DCC: variants seen among roughly 807,000 people sequenced by gnomAD.
DCC encodes netrin receptor DCC.
Under a neutral mutation model 172.5 loss-of-function variants are expected in DCC, and 58 were observed. The observed-to-expected ratio is 0.34, with a 90% confidence interval of 0.27 to 0.42. The LOEUF (loss-of-function observed/expected upper bound fraction) is 0.42. Among genes scored for constraint, DCC ranks in the 10% least tolerant of loss-of-function variants. DCC has a pLI of 1.00. For missense variants in DCC, 1,740 were observed against 1,791.0 expected (o/e 0.97, Z 0.51); for synonymous variants, 709 against 644.5 (o/e 1.10, Z -1.52).
intron 5 of DCC, among the ~76,000 whole-genome samples, chr18:53,048,077 T>G (rs536471401): frequency 6.6e-6 from 1 of 152,076 alleles, no homozygotes; most frequent in East Asian, 1.9e-4. Context: ...GCCTTTTTCT[T>G]TTGAGTTATG....
intron 1 of DCC, among the ~76,000 whole-genome samples, chr18:52,669,855 C>T (rs575737073): frequency 6.8e-6 from 1 of 147,986 alleles, no homozygotes; most frequent in South Asian, 2.2e-4. Context: ...AAAAACAAAA[C>T]AAAACAAAAC....
chr18:53,309,964 G>GTATATATATATATATA lies in DCC; in HGVS notation c.2053+4248_2053+4263dup, dbSNP rs56355500. Among the ~76,000 whole-genome samples, 465 of 137,302 alleles carry GTATATATATATATATA rather than the reference G, an allele frequency of 3.4e-3. 6 individuals are homozygous for GTATATATATATATATA. The highest frequency in any genetic ancestry group is 0.012 in the African/African-American group (441 of 36,850). 90.1% of individuals were successfully genotyped at this position (137,302 alleles called of 152,430 possible). A position where few individuals can be genotyped will look rare whatever the true frequency, so the allele number is the denominator to read the frequency against. On this transcript the variant is annotated intron_variant, in intron 13 of 28. Transcript: ENST00000442544. ...TATATACATGTATATATACGTGTGT[G>GTATATATATATATATA]TATATATATATATATATACTCTTTC...
intron 1 of DCC, among the ~76,000 whole-genome samples, chr18:52,573,744 C>T (rs2033352135): frequency 6.6e-6 from 1 of 152,172 alleles, no homozygotes; most frequent in Non-Finnish European, 1.5e-5. Flanking sequence ...CCATCTTGAG[C>T]ACTGCTCCCT....
chr18:53,026,627 C>G (rs1454892213), intron 5 of DCC, among the ~76,000 whole-genome samples: 3 of 152,096 alleles, frequency 2.0e-5, no homozygotes, highest in South Asian at 2.1e-4. Context: ...GCAATCATAG[C>G]TCTCTGCATC....
intron 22 of DCC, among the ~76,000 whole-genome samples, chr18:53,448,943 CGTTA>C (rs910093928): frequency 1.3e-5 from 2 of 152,100 alleles, no homozygotes; most frequent in African/African-American, 4.8e-5. Context: ...TTTATTATTG[CGTTA>C]GTCATGTAAT....
intron 1 of DCC, among the ~76,000 whole-genome samples, chr18:52,673,570 C>T (rs1405102022): frequency 6.6e-6 from 1 of 152,126 alleles, no homozygotes; most frequent in Admixed American, 6.5e-5. Flanking sequence ...CAGTGTTTGC[C>T]AAGTTTCTTC....
At chr18:53,030,619 C>G (rs2042014156) in intron 5 of DCC, among the ~76,000 whole-genome samples, 1 of 152,070 alleles carries the variant, frequency 6.6e-6, no homozygotes. Context: ...ACAAGGCCCC[C>G]AACTTAGTAT....
At chr18:52,572,257 C>T (rs999777948) in intron 1 of DCC, among the ~76,000 whole-genome samples, 2 of 152,112 alleles carry the variant, frequency 1.3e-5, no homozygotes, top group Non-Finnish European at 2.9e-5. Context: ...ATATCCCCCT[C>T]GTCGACAGAT....
intron 7 of DCC, among the ~76,000 whole-genome samples, chr18:53,066,785 A>T (rs1236794911): frequency 6.6e-6 from 1 of 152,050 alleles, no homozygotes; most frequent in Non-Finnish European, 1.5e-5. Flanking sequence ...TAAAGAAAAG[A>T]GGTTTAATTG....
At chr18:52,777,107 A>T (rs187332500) in intron 2 of DCC, among the ~76,000 whole-genome samples, 1 of 152,184 alleles carries the variant, frequency 6.6e-6, no homozygotes, top group Non-Finnish European at 1.5e-5. Flanking sequence ...TTATCTTAAA[A>T]TTGAGTGTTT....
At chr18:52,916,501 A>C (rs1433112068) in intron 3 of DCC, among the ~76,000 whole-genome samples, 2 of 152,192 alleles carry the variant, frequency 1.3e-5, no homozygotes, top group Non-Finnish European at 2.9e-5. Context: ...CTAATCTATA[A>C]ATGTTTCAAC....
intron 9 of DCC, among the ~76,000 whole-genome samples, chr18:53,194,303 T>C (rs1481212617): frequency 6.6e-6 from 1 of 152,048 alleles, no homozygotes; most frequent in African/African-American, 2.4e-5. Context: ...TTGTAGAGTA[T>C]GGAGATATAA....
chr18:53,183,107 G>A (rs1188786800), intron 9 of DCC, among the ~76,000 whole-genome samples: 1 of 152,042 alleles, frequency 6.6e-6, no homozygotes, highest in African/African-American at 2.4e-5. Flanking sequence ...TGAATTTCAA[G>A]TTTTTCATAT....
chr18:52,476,520 A>T (rs1332899711), intron 1 of DCC, among the ~76,000 whole-genome samples: 2 of 152,222 alleles, frequency 1.3e-5, no homozygotes, highest in African/African-American at 4.8e-5. Context: ...CCTTTTAAGC[A>T]TGCTGGTCTA....
chr18:52,895,258 C>T (rs890452772), intron 2 of DCC, among the ~76,000 whole-genome samples: 3 of 152,232 alleles, frequency 2.0e-5, no homozygotes, highest in Admixed American at 1.3e-4. Flanking sequence ...TGCAACCATT[C>T]ATTAGCCATG....
chr18:53,391,706 C>T lies in DCC; in HGVS notation c.2507C>T (p.Ser836Leu), dbSNP rs746217922. ...CCTTTGCTTGATGATTTCCCCACCT[C>T]GGTCCCAGATCTCTCCACCCCCATG... ...YYPLLDDFPT[S>L]VPDLSTPMLP... The change falls in exon 17 of 29, where the codon TCG (serine) becomes TTG (leucine). Residue 836 changes from serine (S) to leucine (L), a missense_variant. Physicochemically the swap from Ser to Leu is moderately radical, Grantham distance 145. Around this residue, in one of 2 missense-constraint regions of DCC, gnomAD observed 1,732 missense variants for 1,767.4 expected, o/e 0.98. Coordinates refer to ENST00000442544, the MANE Select transcript of DCC (RefSeq NM_005215.4). 8 of 1,614,002 alleles carry T rather than the reference C, an allele frequency of 5.0e-6. No homozygotes were observed. The highest frequency in any genetic ancestry group is 2.2e-5 in the South Asian group (2 of 91,086).
At chr18:52,443,400 G>A (rs561954461) in intron 1 of DCC, among the ~76,000 whole-genome samples, 8 of 152,278 alleles carry the variant, frequency 5.3e-5, no homozygotes, top group African/African-American at 1.4e-4. Flanking sequence ...GCATACAAGT[G>A]ATATTTGTAA....
intron 5 of DCC, among the ~76,000 whole-genome samples, chr18:53,023,431 A>AATC (rs1555697360): frequency 9.0e-6 from 1 of 111,044 alleles, no homozygotes; most frequent in African/African-American, 3.2e-5. Context: ...AAAAAAAAAG[A>AATC]TTCTTCTTAT....
intron 5 of DCC, among the ~76,000 whole-genome samples, chr18:52,983,187 C>T (rs966433185): frequency 2.6e-5 from 4 of 152,046 alleles, no homozygotes; most frequent in East Asian, 1.9e-4. Flanking sequence ...CTAGCTTCCC[C>T]GGGTAATTTT....
Sources: allele counts gnomAD v4.1 joint callset (sites outside exome capture counted in the v4.1 genomes callset), GRCh38; gene constraint gnomAD v4.1.1; regional missense constraint gnomAD v4.1.1; transcripts MANE v1.5; gene names NCBI Gene and HGNC (gene_info 2026-07-23, HGNC 2026-07-21).